Variants in NUDT7 observed in about 807,000 individuals in gnomAD.
NUDT7 encodes the protein peroxisomal coenzyme A diphosphatase NUDT7.
Under a neutral mutation model 13.1 loss-of-function variants are expected in NUDT7, and 19 were observed. That is an observed-to-expected ratio of 1.45 (90% CI 1.01 to 2.13). The LOEUF (loss-of-function observed/expected upper bound fraction) is 2.13. NUDT7 is among the 30% of genes most tolerant of loss of function. The pLI is 0.00. For synonymous variants in NUDT7, 132 were observed against 109.7 expected (o/e 1.20, Z -1.27); for missense variants, 360 against 291.7 (o/e 1.23, Z -1.71).
chr16:77,737,691 T>A (rs559884143), intron 3 of NUDT7, among the ~76,000 whole-genome samples: 7 of 152,240 alleles, frequency 4.6e-5, no homozygotes, highest in African/African-American at 1.7e-4. Context: ...TTCACCGTGT[T>A]AGTCAGGATG....
chr16:77,732,211 C>T (rs560602786), intron 2 of NUDT7, among the ~76,000 whole-genome samples: 28 of 152,048 alleles, frequency 1.8e-4, no homozygotes, highest in South Asian at 8.3e-4. Flanking sequence ...GCCTGTAATT[C>T]CAGTTACTTG....
chr16:77,724,626 C>T (rs940400155), intron 1 of NUDT7, among the ~76,000 whole-genome samples: 2 of 152,138 alleles, frequency 1.3e-5, no homozygotes, highest in Non-Finnish European at 2.9e-5. Context: ...ACTTTAATTA[C>T]ATCTGAAAAG....
chr16:77,734,018 C>A (rs1713762888), intron 2 of NUDT7, among the ~76,000 whole-genome samples: 2 of 152,048 alleles, frequency 1.3e-5, no homozygotes, highest in African/African-American at 4.8e-5. Context: ...TATAGAGACA[C>A]TGTCAGTTCT....
intron 3 of NUDT7, among the ~76,000 whole-genome samples, chr16:77,738,650 C>T (rs1385871756): frequency 6.6e-6 from 1 of 152,132 alleles, no homozygotes; most frequent in Non-Finnish European, 1.5e-5. Context: ...TCTCAGCTCA[C>T]TGCAACCTCC....
intron 3 of NUDT7, among the ~76,000 whole-genome samples, chr16:77,738,183 T>C (rs2014548968): frequency 6.6e-6 from 1 of 152,232 alleles, no homozygotes; most frequent in Non-Finnish European, 1.5e-5. Context: ...GGATTTACTT[T>C]AGAAATCAAT....
At chr16:77,729,733 G>T (rs1597113281) in intron 2 of NUDT7, among the ~76,000 whole-genome samples, 1 of 152,126 alleles carries the variant, frequency 6.6e-6, no homozygotes, top group East Asian at 1.9e-4. Context: ...GCTGAGGCAG[G>T]AGAATCGCTT....
chr16:77,722,561 G>T lies in NUDT7; in HGVS notation c.-22G>T. 4 of 1,579,456 alleles carry T rather than the reference G, an allele frequency of 2.5e-6. No homozygotes were observed. Among genetic ancestry groups the T allele is most frequent in the Non-Finnish European group, 3.4e-6 (4 of 1,161,906 alleles). ...CGAGCAGCTCCGAGGAGTCCGCCCG[G>T]AAACAAACATTCCCCAGGGCAATGT... On this transcript the variant is annotated 5_prime_UTR_variant, in exon 1 of 4. Transcript: ENST00000268533.
At chr16:77,732,905 C>T (rs2014363101) in intron 2 of NUDT7, among the ~76,000 whole-genome samples, 1 of 152,158 alleles carries the variant, frequency 6.6e-6, no homozygotes, top group African/African-American at 2.4e-5. Context: ...AACAATAAAG[C>T]ACTGTTTCAG....
chr16:77,724,393 C>G (rs1187870699), intron 1 of NUDT7, among the ~76,000 whole-genome samples: 2 of 152,000 alleles, frequency 1.3e-5, no homozygotes. Context: ...TTCCAAGTAG[C>G]TGGGAATACA....
intron 2 of NUDT7, 163 bp downstream of exon 2, chr16:77,725,747 C>G (rs1452418036): frequency 3.3e-6 from 2 of 613,582 alleles, no homozygotes; most frequent in Admixed American, 6.4e-5. Context: ...CATGGTGTTT[C>G]TTGGAGAAGG....
At position 77,742,000 on chromosome 16, in the gene NUDT7, T is replaced by G. The variant is rs369736128; in HGVS notation, c.*50T>G. The G allele has an allele frequency of 1.0e-4, 153 of 1,511,812 alleles. No individual in the cohort carries two copies. The highest frequency in any genetic ancestry group is 1.2e-4 in the Non-Finnish European group (131 of 1,138,156). The allele number at this position is 1,511,812 out of a possible 1,614,324, so 93.6% of individuals were successfully genotyped here. On this transcript the variant is annotated 3_prime_UTR_variant, in exon 4 of 4. Coordinates refer to ENST00000268533, the MANE Select transcript of NUDT7 (RefSeq NM_001105663.3). Reference sequence around the variant, plus strand: ...CTATTCACGAGGATTCTGTGTGTGCTTATTCGTAGAACAACAACAATGCCA... The same window carrying G: ...CTATTCACGAGGATTCTGTGTGTGCGTATTCGTAGAACAACAACAATGCCA...
intron 3 of NUDT7, among the ~76,000 whole-genome samples, chr16:77,739,214 G>A (rs1311334044): frequency 6.6e-6 from 1 of 152,164 alleles, no homozygotes; most frequent in African/African-American, 2.4e-5. Context: ...GTGAAAGCAA[G>A]TTTATTAGAG....
chr16:77,735,679 C>G (rs1212350665), intron 2 of NUDT7, 149 bp from the exon 3 acceptor site: 2 of 727,716 alleles, frequency 2.7e-6, no homozygotes, highest in Non-Finnish European at 4.7e-6. Context: ...TTCAAGAAAA[C>G]ACATTTGTGG....
intron 1 of NUDT7, among the ~76,000 whole-genome samples, chr16:77,725,148 A>T (rs1454543246): frequency 6.6e-6 from 1 of 152,246 alleles, no homozygotes; most frequent in African/African-American, 2.4e-5. Flanking sequence ...GGGTTTCAAA[A>T]TTCAACTGTT....
chr16:77,729,213 C>T (rs929731310), intron 2 of NUDT7, among the ~76,000 whole-genome samples: 4 of 152,026 alleles, frequency 2.6e-5, no homozygotes, highest in African/African-American at 4.8e-5. Context: ...TTCAAAACAG[C>T]GTAATATTTT....
At chr16:77,737,647 G>C (rs571439927) in intron 3 of NUDT7, among the ~76,000 whole-genome samples, 1 of 151,900 alleles carries the variant, frequency 6.6e-6, no homozygotes, top group African/African-American at 2.4e-5. Context: ...CACCGCGCCC[G>C]GCTAATTTTT....
At chr16:77,728,975 C>G (rs1474999617) in intron 2 of NUDT7, among the ~76,000 whole-genome samples, 1 of 152,192 alleles carries the variant, frequency 6.6e-6, no homozygotes, top group Admixed American at 6.5e-5. Flanking sequence ...GCACCCCATT[C>G]TCTGGGACTG....
intron 3 of NUDT7, 197 bp from the exon 4 acceptor site, chr16:77,741,385 T>A (rs2014654621): frequency 1.9e-6 from 1 of 540,100 alleles, no homozygotes; most frequent in South Asian, 2.9e-5. Context: ...TTCAGAGTCA[T>A]CTCATAGATG....
At chr16:77,727,720 G>T (rs1022311122) in intron 2 of NUDT7, among the ~76,000 whole-genome samples, 1 of 152,134 alleles carries the variant, frequency 6.6e-6, no homozygotes, top group African/African-American at 2.4e-5. Flanking sequence ...GCCAGGCGTG[G>T]TGGTGGGTGC....
Sources: gnomAD v4.1 joint callset for allele counts (sites outside exome capture counted in the v4.1 genomes callset) on GRCh38, gnomAD v4.1.1 for gene constraint, MANE v1.5 for transcripts, NCBI Gene and HGNC (gene_info 2026-07-23, HGNC 2026-07-21) for gene names.